CTNNA2: variants seen among roughly 807,000 people sequenced by gnomAD.
CTNNA2 encodes catenin alpha 2.
A neutral mutation model predicts 101.0 loss-of-function variants in CTNNA2; 42 were observed. The ratio of observed to expected loss-of-function variants is 0.42; its 90% CI spans 0.32 to 0.54. CTNNA2 has a LOEUF of 0.54. Among genes scored for constraint, CTNNA2 ranks in the 20% least tolerant of loss-of-function variants. The pLI is 0.14. For synonymous variants in CTNNA2, 450 were observed against 456.4 expected (o/e 0.99, Z 0.18); for missense variants, 871 against 1,223.1 (o/e 0.71, Z 4.29).
intron 8 of CTNNA2, among the ~76,000 whole-genome samples, chr2:80,417,632 A>G (rs1680158211): frequency 6.6e-6 from 1 of 151,456 alleles, no homozygotes; most frequent in South Asian, 2.1e-4. Context: ...TCATGACCTA[A>G]TTCTTTAGTT....
chr2:80,255,461 G>A (rs1672072610), intron 7 of CTNNA2, among the ~76,000 whole-genome samples: 2 of 152,006 alleles, frequency 1.3e-5, no homozygotes, highest in Non-Finnish European at 2.9e-5. Flanking sequence ...TAATTGCTGG[G>A]CTTCAGTCCC....
intron 3 of CTNNA2, among the ~76,000 whole-genome samples, chr2:79,787,024 T>G (rs1202008713): frequency 6.6e-6 from 1 of 152,000 alleles, no homozygotes; most frequent in Non-Finnish European, 1.5e-5. Flanking sequence ...CTCTATAATC[T>G]CACTCATTCC....
At chr2:79,483,615 T>C (rs1671131007) in intron 4 of CTNNA2, among the ~76,000 whole-genome samples, 1 of 152,212 alleles carries the variant, frequency 6.6e-6, no homozygotes, top group Non-Finnish European at 1.5e-5. Context: ...CTCAGGCCTT[T>C]GCATCCTCAT....
chr2:80,442,825 A>G (rs890031349), intron 9 of CTNNA2, among the ~76,000 whole-genome samples: 1 of 152,210 alleles, frequency 6.6e-6, no homozygotes, highest in African/African-American at 2.4e-5. Context: ...CATTGTTGCC[A>G]TCATCCTCGT....
intron 3 of CTNNA2, among the ~76,000 whole-genome samples, chr2:79,854,390 T>C (rs59697824): frequency 0.03 from 4,547 of 152,324 alleles, 120 homozygotes; most frequent in East Asian, 0.13. Flanking sequence ...ATTTTAACTC[T>C]CATGGCAGTC....
intron 17 of CTNNA2, chr2:80,608,544 T>C (rs1698209700): frequency 2.8e-6 from 1 of 362,596 alleles, no homozygotes; most frequent in Admixed American, 4.3e-5. Context: ...AAATCTCCAT[T>C]CTTCACAAGA....
At chr2:79,788,259 C>T (rs376920782) in intron 3 of CTNNA2, among the ~76,000 whole-genome samples, 7 of 152,020 alleles carry the variant, frequency 4.6e-5, no homozygotes, top group South Asian at 2.1e-4. Flanking sequence ...CTCAGACTCA[C>T]GTGGTGGAAA....
At chr2:79,579,908 C>T (rs114941684) in intron 1 of CTNNA2, among the ~76,000 whole-genome samples, 1,594 of 152,298 alleles carry the variant, frequency 0.01, 4 homozygotes, top group Middle Eastern at 0.02. Context: ...GCCACCGCAC[C>T]TGGCCTCAAG....
chr2:80,582,636 G>A (rs1250245837), intron 14 of CTNNA2, among the ~76,000 whole-genome samples: 2 of 152,104 alleles, frequency 1.3e-5, no homozygotes, highest in Non-Finnish European at 2.9e-5. Flanking sequence ...GACTGCATAG[G>A]ACGATGAAAT....
At chr2:79,381,883 A>G (rs758186463) in intron 4 of CTNNA2, among the ~76,000 whole-genome samples, 1 of 152,246 alleles carries the variant, frequency 6.6e-6, no homozygotes, top group Non-Finnish European at 1.5e-5. Context: ...ATGTTTAGCA[A>G]TGCAAGCATG....
rs143542807 is a variant in CTNNA2, at chr2:79,665,322, C to A, written c.102+13664C>A. ...CCTGTTATCTCACAGTGTTTTGATTCCTGATTTGAAATGTGCATGTATGTG... is the reference window on the plus strand; with the variant it reads ...CCTGTTATCTCACAGTGTTTTGATTACTGATTTGAAATGTGCATGTATGTG... On this transcript the variant is annotated intron_variant, in intron 2 of 18. Transcript: ENST00000402739. Among the ~76,000 whole-genome samples the A allele has an allele frequency of 3.5e-3, 532 of 152,172 alleles. 11 individuals carry two copies. The East Asian group carries it at 0.047, about 14-fold the overall frequency.
rs762674684 is a variant in CTNNA2, at chr2:79,498,246, G to T, written c.-134-6808G>T. The T allele has an allele frequency of 6.6e-5, 10 of 152,150 alleles. 1 individual carries two copies. The highest frequency in any genetic ancestry group is 1.7e-4 in the African/African-American group (7 of 41,420). The allele number at this position is 152,150 out of a possible 1,614,324, so 9.4% of individuals were successfully genotyped here. On this transcript the variant is annotated intron_variant, in intron 4 of 21. Coordinates refer to the CTNNA2 transcript ENST00000466387. ...TCTCTGTCTATTTTCTTTCATGACCGCATTGAAAATGGACATGGAAGAGTG... is the reference window on the plus strand; with the variant it reads ...TCTCTGTCTATTTTCTTTCATGACCTCATTGAAAATGGACATGGAAGAGTG...
At chr2:79,640,444 C>T (rs1000682113) in intron 1 of CTNNA2, among the ~76,000 whole-genome samples, 3 of 152,102 alleles carry the variant, frequency 2.0e-5, no homozygotes, top group African/African-American at 7.2e-5. Flanking sequence ...AAATGGGGTA[C>T]AATTTAACAC....
chr2:79,664,033 A>T (rs983206509), intron 2 of CTNNA2, among the ~76,000 whole-genome samples: 2 of 152,236 alleles, frequency 1.3e-5, no homozygotes, highest in African/African-American at 4.8e-5. Context: ...ATTTTAAAAG[A>T]TAAATATATT....
At chr2:79,329,448 G>T (rs1289061051) in intron 3 of CTNNA2, among the ~76,000 whole-genome samples, 1 of 152,166 alleles carries the variant, frequency 6.6e-6, no homozygotes, top group Non-Finnish European at 1.5e-5. Flanking sequence ...TGAGCAGAGG[G>T]ATCATTAGTG....
intron 9 of CTNNA2, among the ~76,000 whole-genome samples, chr2:80,437,299 T>G (rs1044560176): frequency 6.6e-6 from 1 of 152,218 alleles, no homozygotes; most frequent in African/African-American, 2.4e-5. Context: ...AGAAACATAC[T>G]TTAGGAAATT....
chr2:79,771,741 G>A (rs2105147202), intron 3 of CTNNA2, among the ~76,000 whole-genome samples: 1 of 152,278 alleles, frequency 6.6e-6, no homozygotes, highest in African/African-American at 2.4e-5. Flanking sequence ...ATGAAGCTTG[G>A]CTCACTTGCC....
chr2:80,258,559 G>A (rs1672352460), intron 7 of CTNNA2, among the ~76,000 whole-genome samples: 1 of 152,040 alleles, frequency 6.6e-6, no homozygotes, highest in Non-Finnish European at 1.5e-5. Flanking sequence ...GTCAAGCTAG[G>A]GAATGTTCCA....
chr2:80,301,529 A>G (rs958837493), intron 7 of CTNNA2, among the ~76,000 whole-genome samples: 3 of 152,194 alleles, frequency 2.0e-5, no homozygotes, highest in Non-Finnish European at 4.4e-5. Context: ...TTTAAAAACC[A>G]TTTGCAATGC....
Sources: gnomAD v4.1 joint callset for allele counts (sites outside exome capture counted in the v4.1 genomes callset) on GRCh38, gnomAD v4.1.1 for gene constraint, MANE v1.5 for transcripts, NCBI Gene and HGNC (gene_info 2026-07-23, HGNC 2026-07-21) for gene names.